The following SYTL2 variants were observed in gnomAD, a reference collection of about 807,000 sequenced individuals.
SYTL2 encodes synaptotagmin-like protein 2.
In SYTL2, 165 loss-of-function variants were observed where a neutral mutation model predicts 198.7. The ratio of observed to expected loss-of-function variants is 0.83; its 90% CI spans 0.73 to 0.94. The LOEUF (loss-of-function observed/expected upper bound fraction) is 0.94. Among genes scored for constraint, SYTL2 ranks in the 40% least tolerant of loss-of-function variants. The pLI, the probability that SYTL2 is intolerant of heterozygous loss-of-function variation, is 0.00. For synonymous variants in SYTL2, 966 were observed against 917.7 expected, an observed-to-expected ratio of 1.05 and a Z score of -0.95; for missense variants, 2,835 against 2,582.8, an observed-to-expected ratio of 1.10 and a Z score of -2.12.
intron 7 of SYTL2, 45 bp downstream of exon 7, chr11:85,733,894 C>T (rs759656592): frequency 4.4e-5 from 68 of 1,560,100 alleles, no homozygotes; most frequent in Middle Eastern, 1.7e-4. Flanking sequence ...CCACCGCGCC[C>T]GGCCCCACCA....
chr11:85,736,110 T>C (rs964742005), intron 6 of SYTL2, among the ~76,000 whole-genome samples: 2 of 152,254 alleles, frequency 1.3e-5, no homozygotes, highest in African/African-American at 4.8e-5. Context: ...TAGAGGATCA[T>C]AACATTGTCA....
At chr11:85,750,115 A>C (rs938153193) in intron 2 of SYTL2, among the ~76,000 whole-genome samples, 8 of 152,160 alleles carry the variant, frequency 5.3e-5, no homozygotes, top group Admixed American at 3.9e-4. Context: ...AAGTTGTGGC[A>C]GAAAGACTCT....
At chr11:85,742,596 T>C (rs2090881871) in intron 4 of SYTL2, among the ~76,000 whole-genome samples, 1 of 152,262 alleles carries the variant, frequency 6.6e-6, no homozygotes, top group Admixed American at 6.5e-5. Context: ...GGCTATGTGC[T>C]GAAGAACTAT....
At position 85,694,531 on chromosome 11, in the gene SYTL2, T is replaced by G. The variant is rs1037667758; in HGVS notation, c.*664A>C. 1 of 152,184 alleles carries G rather than the reference T, an allele frequency of 6.6e-6. No homozygotes were observed. The highest frequency in any genetic ancestry group is 1.5e-5 in the Non-Finnish European group (1 of 68,026). 9.4% of individuals were successfully genotyped at this position (152,184 alleles called of 1,614,324 possible). ...GCTTGAGACCTATTTTAGAATTAAG[T>G]CAAAACAAGCCAACAACTGAATTGT... On this transcript the variant is annotated 3_prime_UTR_variant, in exon 20 of 20. Transcript: ENST00000359152.
chr11:85,738,014 A>C (rs2090491766), intron 4 of SYTL2, among the ~76,000 whole-genome samples: 1 of 152,174 alleles, frequency 6.6e-6, no homozygotes, highest in Non-Finnish European at 1.5e-5. Flanking sequence ...TGAAGTTGCT[A>C]TTGGCTGAAG....
At chr11:85,695,612 G>A (rs1481658152) in intron 19 of SYTL2, among the ~76,000 whole-genome samples, 1 of 152,186 alleles carries the variant, frequency 6.6e-6, no homozygotes, top group Non-Finnish European at 1.5e-5. Flanking sequence ...AGGGAGTTGG[G>A]AGGACTCCTG....
the SYTL2 span, among the ~76,000 whole-genome samples, chr11:85,840,676 G>A: frequency 2.0e-5 from 3 of 152,176 alleles, no homozygotes; most frequent in Non-Finnish European, 2.9e-5. Flanking sequence ...CTAGCCATAT[G>A]CAGATTGAAA....
In SYTL2 at chr11:85,725,552, G is replaced by A; in HGVS notation, c.3806C>T (p.Pro1269Leu). The change falls in exon 8 of 20, where the codon CCT becomes CTT. Residue 1269 changes from proline (P) to leucine (L), a missense_variant. By Grantham distance (98) the Pro-to-Leu change is moderately conservative. This residue lies in a region of SYTL2 where 2,645 missense variants were observed against 2,381.7 expected (regional missense o/e 1.11). Coordinates refer to ENST00000359152, the MANE Select transcript of SYTL2 (RefSeq NM_206927.4). ...TSADKREILAPFPVRDETFGN... is the reference protein window; with the variant it reads ...TSADKREILALFPVRDETFGN... ...AAAAGTTTCATCTCTCACTGGAAAA[G>A]GAGCTAGTATTTCTCTCTTATCAGC... The A allele has an allele frequency of 6.2e-7, 1 of 1,614,032 alleles. No individual in the cohort carries two copies. Among genetic ancestry groups the A allele is most frequent in the Non-Finnish European group, 8.5e-7 (1 of 1,179,980 alleles).
the SYTL2 span, among the ~76,000 whole-genome samples, chr11:85,848,613 A>C: frequency 3.9e-5 from 6 of 152,182 alleles, no homozygotes. Context: ...TATATGTACA[A>C]GTATGTTTCT....
chr11:85,725,585 T>C lies in SYTL2; in HGVS notation c.3773A>G (p.Asn1258Ser), dbSNP rs757708789. 89 of 1,614,036 alleles carry C rather than the reference T, an allele frequency of 5.5e-5. 1 individual carries two copies. Among genetic ancestry groups the C allele is most frequent in the Non-Finnish European group, 7.4e-5 (87 of 1,179,998 alleles). ...FFGKGIEQSH[N>S]TSADKREILA... ...TATTTCTCTCTTATCAGCTGAAGTA[T>C]TGTGACTCTGTTCTATCCCTTTTCC... Residue 1258 changes from asparagine (N) to serine (S), a missense_variant, in exon 8 of 20, where the codon AAT becomes AGT. Physicochemically the swap from Asn to Ser is conservative, Grantham distance 46. Coordinates refer to ENST00000359152, the MANE Select transcript of SYTL2 (RefSeq NM_206927.4).
chr11:85,780,083 A>C (rs1257799205), intron 1 of SYTL2, among the ~76,000 whole-genome samples: 1 of 152,222 alleles, frequency 6.6e-6, no homozygotes, highest in Non-Finnish European at 1.5e-5. Context: ...GAAAGAAGAC[A>C]ATTCAGGCCA....
intron 1 of SYTL2, among the ~76,000 whole-genome samples, chr11:85,790,322 A>G (rs1005748151): frequency 2.1e-4 from 32 of 152,128 alleles, no homozygotes; most frequent in African/African-American, 7.2e-4. Flanking sequence ...ACTTGGTTCA[A>G]CCTAATATAA....
the SYTL2 span, among the ~76,000 whole-genome samples, chr11:85,819,806 C>T: frequency 6.6e-6 from 1 of 152,218 alleles, no homozygotes; most frequent in Non-Finnish European, 1.5e-5. Context: ...CCATCTTCTA[C>T]TTACATGCTT....
chr11:85,768,720 C>T (rs1387438387), intron 1 of SYTL2, among the ~76,000 whole-genome samples: 2 of 152,164 alleles, frequency 1.3e-5, no homozygotes, highest in Non-Finnish European at 2.9e-5. Flanking sequence ...CACTCCCACC[C>T]CCTGCTGCAG....
rs974266342 is a variant in SYTL2 at position 85,763,785 on chromosome 11, AT to A, written c.-389-5672del. ...AATGCCGCCAGACAAAAAGGCCCTGATCAACAAGAAGGCTCATCCCCACCGG... is the reference window on the plus strand; with the variant it reads ...AATGCCGCCAGACAAAAAGGCCCTGACAACAAGAAGGCTCATCCCCACCGG... On this transcript the variant is annotated intron_variant, in intron 1 of 19. Coordinates refer to ENST00000359152, the MANE Select transcript of SYTL2 (RefSeq NM_206927.4). 5.0e-4 allele frequency among the ~76,000 whole-genome samples: 76 copies of A among 152,194 alleles called. 2 individuals are homozygous for A. The highest frequency in any genetic ancestry group is 1.5e-3 in the Admixed American group (23 of 15,280).
chr11:85,791,185 A>AAC (rs1362466301), intron 1 of SYTL2, among the ~76,000 whole-genome samples: 2 of 150,688 alleles, frequency 1.3e-5, no homozygotes, highest in African/African-American at 4.9e-5. Context: ...AAAAAAAAAA[A>AAC]AAAAAAAAAA....
At chr11:85,784,026 A>G (rs1227702943) in intron 1 of SYTL2, among the ~76,000 whole-genome samples, 1 of 152,198 alleles carries the variant, frequency 6.6e-6, no homozygotes, top group African/African-American at 2.4e-5. Context: ...TCTGATGGGC[A>G]TTACTTGGCC....
At chr11:85,844,291 T>C in the SYTL2 span, among the ~76,000 whole-genome samples, 2 of 152,202 alleles carry the variant, frequency 1.3e-5, no homozygotes, top group African/African-American at 2.4e-5. Context: ...AAGGGTAAAA[T>C]AGTATGTCCT....
chr11:85,796,086 T>G, intron 1 of SYTL2, among the ~76,000 whole-genome samples: 1 of 152,232 alleles, frequency 6.6e-6, no homozygotes, highest in East Asian at 1.9e-4. Flanking sequence ...TATTATTTTA[T>G]GAAGTTGCAT....
Sources: allele counts gnomAD v4.1 joint callset (sites outside exome capture counted in the v4.1 genomes callset), GRCh38; gene constraint gnomAD v4.1.1; regional missense constraint gnomAD v4.1.1; transcripts MANE v1.5; gene names NCBI Gene and HGNC (gene_info 2026-07-23, HGNC 2026-07-21).